SH2D2A: variants seen among roughly 807,000 people sequenced by gnomAD.
The protein encoded by SH2D2A is SH2 domain-containing protein 2A.
A neutral mutation model predicts 43.6 loss-of-function variants in SH2D2A; 33 were observed. That is an observed-to-expected ratio of 0.76 (90% CI 0.57 to 1.01). The LOEUF is 1.01. Ranked by LOEUF, SH2D2A falls within the 50% of genes least tolerant of loss-of-function variation. The probability of loss-of-function intolerance (pLI) is 0.00; values close to 1 mark genes in which losing one functional copy is unlikely to be tolerated. For missense variants in SH2D2A, 491 were observed against 503.1 expected, an observed-to-expected ratio of 0.98 and a Z score of 0.23; for synonymous variants, 212 against 206.1, an observed-to-expected ratio of 1.03 and a Z score of -0.25.
In SH2D2A at chr1:156,809,554, A is replaced by G; in HGVS notation, c.715-64T>C. ...GGAGGCAGGGTTAAAGCCCCAGCCT[A>G]ACTCCCAGCCTGAGCCTCTGCCCCC... On this transcript the variant is annotated intron_variant, in intron 6 of 8. Transcript: ENST00000368199. This position sits in a 1 kb window ranked among gnomAD's most constrained non-coding sequence, Gnocchi z 4.8. 1 of 1,554,784 alleles carries G rather than the reference A, an allele frequency of 6.4e-7. No individual in the cohort carries two copies. The highest frequency in any genetic ancestry group is 8.7e-7 in the Non-Finnish European group (1 of 1,149,890).
rs1653960306 is a variant in SH2D2A at position 156,816,605 on chromosome 1, C to CTA, written c.34+69_34+70insTA. 8 of 1,530,476 alleles carry CTA rather than the reference C, an allele frequency of 5.2e-6. No homozygotes were observed. In the South Asian group the frequency reaches 8.4e-5, roughly 16 times the overall value. The allele number at this position is 1,530,476 out of a possible 1,614,324, so 94.8% of individuals were successfully genotyped here. ...CATCCCTGAAGTGGGAGCTCAAGCCCAGGAGGGAGGGCAGGGGGATGGGGG... is the reference window on the plus strand; with the variant it reads ...CATCCCTGAAGTGGGAGCTCAAGCCCTAAGGAGGGAGGGCAGGGGGATGGGGG... On this transcript the variant is annotated intron_variant, in intron 1 of 8. Transcript: ENST00000368199.
chr1:156,814,012 G>T lies in SH2D2A; in HGVS notation c.403C>A (p.Arg135=). ...AGCAGGAAGTGGCGGCAGCAAGTCC[G>T]GCTCCTGGAGGGCGCCGTTAGGGAT... The part of the protein sequence containing the change: ...AVTFVLTYRS[R]TCCRHFLLAQ... The change falls in exon 5 of 9, where the codon CGG becomes AGG. Residue 135 remains arginine, a synonymous_variant. Transcript: ENST00000368199. 6.6e-7 allele frequency: 1 copy of T among 1,506,332 alleles called. No individual in the cohort carries two copies. The highest frequency in any genetic ancestry group is 8.9e-7 in the Non-Finnish European group (1 of 1,126,554). 93.3% of individuals were successfully genotyped at this position (1,506,332 alleles called of 1,614,324 possible). A position where few individuals can be genotyped will look rare whatever the true frequency, so the allele number is the denominator to read the frequency against.
intron 5 of SH2D2A, among the ~76,000 whole-genome samples, chr1:156,811,122 C>T (rs929073807): frequency 1.3e-5 from 2 of 152,180 alleles, no homozygotes; most frequent in Non-Finnish European, 2.9e-5. Flanking sequence ...AAAAGTAGCA[C>T]CTCCACCCTG....
rs986438459 is a variant in SH2D2A, at chr1:156,809,099, C to T, written c.1002+104G>A. On this transcript the variant is annotated intron_variant, in intron 7 of 8. Coordinates refer to ENST00000368199, the MANE Select transcript of SH2D2A (RefSeq NM_003975.4). The surrounding 1 kb of genome is among the most constrained non-coding windows in gnomAD (Gnocchi z 4.8). ...TCCCACATCACCTCACACCTCTGCC[C>T]CTTACCCTGCCCCAGGCATCCACTC... The T allele has an allele frequency of 3.2e-6, 4 of 1,232,556 alleles. No individual in the cohort carries two copies. Among genetic ancestry groups the T allele is most frequent in the Admixed American group, 4.3e-5 (2 of 46,744 alleles). The allele number at this position is 1,232,556 out of a possible 1,614,324, so 76.4% of individuals were successfully genotyped here.
Position 156,809,310 on chromosome 1 carries a change from C to T in SH2D2A, c.895G>A (p.Glu299Lys). ...FYAMGRGSPGEAPSNIYVEVE... is the reference protein window; with the variant it reads ...FYAMGRGSPGKAPSNIYVEVE... ...TCCACATAGATGTTGCTGGGGGCTTCCCCAGGGCTGCCCCGGCCCATGGCA... is the reference window on the plus strand; with the variant it reads ...TCCACATAGATGTTGCTGGGGGCTTTCCCAGGGCTGCCCCGGCCCATGGCA... Residue 299 changes from glutamate (E) to lysine (K), a missense_variant, in exon 7 of 9, where the codon GAA (glutamate) becomes AAA (lysine). Physicochemically the swap from Glu to Lys is moderately conservative, Grantham distance 56. Coordinates refer to ENST00000368199, the MANE Select transcript of SH2D2A (RefSeq NM_003975.4). This position sits in a 1 kb window ranked among gnomAD's most constrained non-coding sequence, Gnocchi z 4.8. The T allele has an allele frequency of 2.5e-6, 4 of 1,614,150 alleles. No individual in the cohort carries two copies. Among genetic ancestry groups the T allele is most frequent in the Non-Finnish European group, 3.4e-6 (4 of 1,180,004 alleles).
chr1:156,816,215 A>G, intron 1 of SH2D2A, 121 bp from the exon 2 acceptor site: 1 of 1,442,506 alleles, frequency 6.9e-7, no homozygotes. Context: ...ACGACAGGAA[A>G]AACGCAGAAG....
intron 1 of SH2D2A, 141 bp from the exon 2 acceptor site, chr1:156,816,235 G>A (rs972134358): frequency 1.4e-6 from 2 of 1,391,554 alleles, no homozygotes; most frequent in Non-Finnish European, 1.9e-6. Flanking sequence ...GGGCAGCAGG[G>A]GAGTTTCTCA....
Position 156,809,866 on chromosome 1 carries a change from T to A in SH2D2A, c.568-59A>T. The A allele has an allele frequency of 5.9e-6, 9 of 1,535,000 alleles. No homozygotes were observed. The highest frequency in any genetic ancestry group is 2.3e-5 in the East Asian group (1 of 44,038). On this transcript the variant is annotated intron_variant, in intron 5 of 8. Transcript: ENST00000368199. This position sits in a 1 kb window ranked among gnomAD's most constrained non-coding sequence, Gnocchi z 4.8. The stretch of plus-strand genomic sequence containing the variant: ...TGGAGCGTTGGGGTGGGGGAGGTGA[T>A]CAGGAGGACAAAATAATCCAGTCTA...
intron 3 of SH2D2A, chr1:156,814,504 C>T: frequency 2.3e-6 from 2 of 886,508 alleles, no homozygotes; most frequent in East Asian, 5.5e-5. Context: ...GGGTCCCATT[C>T]AGGAGACCCC....
intron 3 of SH2D2A, 164 bp from the exon 4 acceptor site, chr1:156,814,458 C>T: frequency 7.5e-7 from 1 of 1,326,412 alleles, no homozygotes; most frequent in Non-Finnish European, 1.0e-6. Context: ...GGGCGCTGCT[C>T]TCCCGCTGCA....
intron 5 of SH2D2A, among the ~76,000 whole-genome samples, chr1:156,813,484 T>G (rs1052129972): frequency 5.3e-5 from 8 of 152,180 alleles, no homozygotes; most frequent in Non-Finnish European, 1.2e-4. Context: ...AGGTGGAGTT[T>G]GCAGGGAGAG....
At chr1:156,812,253 C>T (rs1340616432) in intron 5 of SH2D2A, among the ~76,000 whole-genome samples, 1 of 152,140 alleles carries the variant, frequency 6.6e-6, no homozygotes, top group East Asian at 1.9e-4. Flanking sequence ...CCGAAACTTG[C>T]CAGGCCATGT....
In SH2D2A at chr1:156,807,174, C is replaced by T; in HGVS notation, c.*3+1G>A. On this transcript the variant is annotated splice_donor_variant, in intron 8 of 8. Transcript: ENST00000368199. LOFTEE classifies it low-confidence loss of function (3UTR_SPLICE). The surrounding 1 kb of genome is among the most constrained non-coding windows in gnomAD (Gnocchi z 5.1). Reference sequence around the variant, plus strand: ...GTTATCCTCACCAAGCTCAGACTTACCGCCTACTGAGGAGGCCCAAGGGGA... The same window carrying T: ...GTTATCCTCACCAAGCTCAGACTTATCGCCTACTGAGGAGGCCCAAGGGGA... 6.2e-7 allele frequency: 1 copy of T among 1,612,496 alleles called. No homozygotes were observed. Among genetic ancestry groups the T allele is most frequent in the Non-Finnish European group, 8.5e-7 (1 of 1,179,670 alleles).
chr1:156,814,895 G>T, intron 3 of SH2D2A, 142 bp downstream of exon 3: 1 of 618,834 alleles, frequency 1.6e-6, no homozygotes, highest in Non-Finnish European at 2.6e-6. Context: ...AAAACTCTGG[G>T]AGTGGGAGCC....
In SH2D2A at chr1:156,816,099, G is replaced by A; in HGVS notation, c.35-5C>T. ...GGATGGGGGCTTCGTGACTCCCTGT[G>A]AGCACAAAGAGGGCTGCCGGGGTTT... On this transcript the variant is annotated splice_region_variant and splice_polypyrimidine_tract_variant and intron_variant, in intron 1 of 8. Coordinates refer to ENST00000368199, the MANE Select transcript of SH2D2A (RefSeq NM_003975.4). 6.2e-7 allele frequency: 1 copy of A among 1,611,058 alleles called. No homozygotes were observed. Among genetic ancestry groups the A allele is most frequent in the Non-Finnish European group, 8.5e-7 (1 of 1,178,610 alleles).
chr1:156,808,841 G>C (rs575080258), intron 7 of SH2D2A, among the ~76,000 whole-genome samples: 1 of 152,316 alleles, frequency 6.6e-6, no homozygotes, highest in Admixed American at 6.5e-5. Flanking sequence ...GAGGCACGGG[G>C]TGGGGTCAGC....
At chr1:156,815,749 TGCAC>T in intron 2 of SH2D2A, 1 of 1,540,486 alleles carries the variant, frequency 6.5e-7, no homozygotes. Flanking sequence ...CTCAATGCAC[TGCAC>T]CCTGGTCATC....
intron 5 of SH2D2A, among the ~76,000 whole-genome samples, chr1:156,810,857 G>A (rs1425889474): frequency 6.6e-6 from 1 of 152,148 alleles, no homozygotes; most frequent in African/African-American, 2.4e-5. Flanking sequence ...ACCACCTCAG[G>A]AGAGAGGAGC....
intron 2 of SH2D2A, chr1:156,815,492 G>A (rs1653812021): frequency 1.7e-6 from 1 of 592,416 alleles, no homozygotes; most frequent in African/African-American, 1.9e-5. Context: ...TGCTCTAGGA[G>A]GGGCGGGAAA....
Sources: gnomAD v4.1 joint callset for allele counts (sites outside exome capture counted in the v4.1 genomes callset) on GRCh38, gnomAD v4.1.1 for gene constraint, Gnocchi (gnomAD v3.1) non-coding constraint, MANE v1.5 for transcripts, NCBI Gene and HGNC (gene_info 2026-07-23, HGNC 2026-07-21) for gene names.